Variants in SCLT1 observed in about 807,000 individuals in gnomAD.
SCLT1 encodes sodium channel and clathrin linker 1.
In SCLT1, 78 loss-of-function variants were observed where a neutral mutation model predicts 112.8. The ratio of observed to expected loss-of-function variants is 0.69; its 90% CI spans 0.58 to 0.83. The LOEUF is 0.83. SCLT1 is among the 40% of genes least tolerant of loss of function. The pLI, the probability that SCLT1 is intolerant of heterozygous loss-of-function variation, is 0.00. For synonymous variants in SCLT1, 257 were observed against 254.7 expected, an observed-to-expected ratio of 1.01 and a Z score of -0.09; for missense variants, 747 against 770.4, an observed-to-expected ratio of 0.97 and a Z score of 0.36.
At chr4:128,888,393 T>C (rs900412070) in intron 20 of SCLT1, among the ~76,000 whole-genome samples, 2 of 152,054 alleles carry the variant, frequency 1.3e-5, no homozygotes, top group Non-Finnish European at 2.9e-5. Context: ...ATTTTTAAAA[T>C]TTTTTGTAGA....
chr4:128,912,156 C>A (rs929303138), intron 18 of SCLT1, among the ~76,000 whole-genome samples: 1 of 152,016 alleles, frequency 6.6e-6, no homozygotes, highest in Admixed American at 6.6e-5. Context: ...ATCAAACAAG[C>A]CATTTACTTT....
At chr4:129,086,606 C>T (rs768544661) in intron 1 of SCLT1, among the ~76,000 whole-genome samples, 9 of 152,030 alleles carry the variant, frequency 5.9e-5, no homozygotes, top group East Asian at 1.9e-4. Context: ...GGTATGAGAA[C>T]TGTAAAGGCA....
At chr4:129,039,280 A>G (rs898383335) in intron 4 of SCLT1, 184 bp from the exon 5 acceptor site, 9 of 474,050 alleles carry the variant, frequency 1.9e-5, no homozygotes, top group African/African-American at 1.8e-4. Flanking sequence ...ACAATAAAAC[A>G]TTCATTTTAA....
At chr4:129,003,446 A>G (rs1743702937) in intron 6 of SCLT1, among the ~76,000 whole-genome samples, 1 of 151,468 alleles carries the variant, frequency 6.6e-6, no homozygotes, top group Non-Finnish European at 1.5e-5. Context: ...AAAAAAAAAA[A>G]AGAAAAAGAA....
intron 3 of SCLT1, among the ~76,000 whole-genome samples, chr4:128,878,035 G>C (rs1036227297): frequency 1.3e-5 from 2 of 152,094 alleles, no homozygotes; most frequent in African/African-American, 4.8e-5. Flanking sequence ...CATCCTAACT[G>C]CTTGGAAAGT....
chr4:128,891,082 T>G lies in SCLT1; in HGVS notation c.1885A>C (p.Met629Leu). The G allele has an allele frequency of 6.2e-7, 1 of 1,613,110 alleles. No individual in the cohort carries two copies. The highest frequency in any genetic ancestry group is 8.5e-7 in the Non-Finnish European group (1 of 1,179,414). The change falls in exon 19 of 21, where the codon ATG becomes CTG. Residue 629 changes from methionine (M) to leucine (L), a missense_variant. Around this residue, in one of 2 missense-constraint regions of SCLT1, gnomAD observed 723 missense variants for 721.3 expected, o/e 1.00. Coordinates refer to ENST00000281142, the MANE Select transcript of SCLT1 (RefSeq NM_144643.4). The part of the protein sequence containing the change: ...HTQELLSQLE[M>L]ANEKVAENEK... ...ACCTCAGCTACCTTTTCATTTGCCATTTCCAGCTGAGAAAGCAGCTCTTGG... is the reference window on the plus strand; with the variant it reads ...ACCTCAGCTACCTTTTCATTTGCCAGTTCCAGCTGAGAAAGCAGCTCTTGG...
intron 18 of SCLT1, among the ~76,000 whole-genome samples, chr4:128,900,208 T>C (rs1172597296): frequency 2.0e-5 from 3 of 152,120 alleles, no homozygotes; most frequent in Non-Finnish European, 2.9e-5. Flanking sequence ...AAAAAGAGCC[T>C]GCATCGCCAA....
At chr4:129,065,041 T>C (rs1195552330) in intron 2 of SCLT1, among the ~76,000 whole-genome samples, 1 of 152,132 alleles carries the variant, frequency 6.6e-6, no homozygotes, top group Non-Finnish European at 1.5e-5. Context: ...TCTTTGCTTA[T>C]TCTTGCTTAT....
At chr4:128,960,091 T>A (rs1387589114) in intron 11 of SCLT1, among the ~76,000 whole-genome samples, 1 of 152,166 alleles carries the variant, frequency 6.6e-6, no homozygotes, top group African/African-American at 2.4e-5. Context: ...TCACACTGTA[T>A]TATATAGTTA....
chr4:128,910,519 T>A (rs188154256), intron 18 of SCLT1, among the ~76,000 whole-genome samples: 1 of 152,314 alleles, frequency 6.6e-6, no homozygotes, highest in East Asian at 1.9e-4. Flanking sequence ...TTTTCCAGTA[T>A]CCCATTTGTC....
At chr4:128,874,523 C>A (rs1732429782) in intron 4 of SCLT1, 1 of 151,906 alleles carries the variant, frequency 6.6e-6, no homozygotes, top group Non-Finnish European at 1.5e-5. Flanking sequence ...AAAACCCACA[C>A]AAAAACAAAA....
chr4:128,940,992 C>T (rs1737646723), intron 17 of SCLT1, among the ~76,000 whole-genome samples: 1 of 152,088 alleles, frequency 6.6e-6, no homozygotes, highest in Non-Finnish European at 1.5e-5. Flanking sequence ...GTTTAAACTG[C>T]TTACTGCCTA....
At chr4:129,014,190 T>C (rs916082002) in intron 5 of SCLT1, among the ~76,000 whole-genome samples, 3 of 151,442 alleles carry the variant, frequency 2.0e-5, no homozygotes, top group Non-Finnish European at 4.4e-5. Flanking sequence ...ACTGGCTATT[T>C]TTGCTGGGCA....
intron 18 of SCLT1, among the ~76,000 whole-genome samples, chr4:128,927,233 T>C (rs1394354314): frequency 3.9e-5 from 6 of 152,072 alleles, no homozygotes; most frequent in Non-Finnish European, 8.8e-5. Flanking sequence ...TTAGAATTTA[T>C]ATGAAAATGT....
At chr4:128,939,014 G>A (rs114193172) in intron 17 of SCLT1, among the ~76,000 whole-genome samples, 6 of 152,150 alleles carry the variant, frequency 3.9e-5, no homozygotes, top group African/African-American at 7.2e-5. Context: ...AACCACATAT[G>A]CACACAAAAC....
At chr4:129,002,318 T>C (rs1201237698) in intron 6 of SCLT1, among the ~76,000 whole-genome samples, 3 of 151,984 alleles carry the variant, frequency 2.0e-5, no homozygotes, top group Non-Finnish European at 4.4e-5. Flanking sequence ...TACAATTCCC[T>C]TATGAATAAA....
intron 2 of SCLT1, among the ~76,000 whole-genome samples, chr4:129,059,758 T>G (rs1464154844): frequency 1.3e-5 from 2 of 152,188 alleles, no homozygotes; most frequent in Non-Finnish European, 2.9e-5. Context: ...GCTGCTTACC[T>G]CTGGCTAGCT....
intron 9 of SCLT1, among the ~76,000 whole-genome samples, chr4:128,985,259 C>CAT (rs1741986212): frequency 6.6e-6 from 1 of 152,014 alleles, no homozygotes; most frequent in Admixed American, 6.6e-5. Flanking sequence ...ACATACACTA[C>CAT]ATATATATGT....
rs17014068 is a variant in SCLT1, at chr4:129,045,370, A to G, written c.103-1319T>C. ...TTAAAACTTCTATACAGCTAAAGAC[A>G]CCAAAAGCAAAGTTAAAAGACCTAC... On this transcript the variant is annotated intron_variant, in intron 2 of 20. Coordinates refer to ENST00000281142, the MANE Select transcript of SCLT1 (RefSeq NM_144643.4). 5.0e-3 allele frequency among the ~76,000 whole-genome samples: 765 copies of G among 152,206 alleles called. 9 individuals carry two copies. Among genetic ancestry groups the G allele is most frequent in the African/African-American group, 0.017 (698 of 41,560 alleles).
Sources: gnomAD v4.1 joint callset for allele counts (sites outside exome capture counted in the v4.1 genomes callset) on GRCh38, gnomAD v4.1.1 for gene constraint, gnomAD v4.1.1 regional missense constraint, MANE v1.5 for transcripts, NCBI Gene and HGNC (gene_info 2026-07-23, HGNC 2026-07-21) for gene names.